KMT2A: variants seen among roughly 807,000 people sequenced by gnomAD.
KMT2A encodes the protein lysine methyltransferase 2A.
In KMT2A, 16 loss-of-function variants were observed where a neutral mutation model predicts 345.3. The ratio of observed to expected loss-of-function variants is 0.05; its 90% CI spans 0.03 to 0.07. The LOEUF (loss-of-function observed/expected upper bound fraction) is 0.07. Ranked by LOEUF, KMT2A falls within the 10% of genes least tolerant of loss-of-function variation. The probability of loss-of-function intolerance (pLI) is 1.00; values close to 1 mark genes in which losing one functional copy is unlikely to be tolerated. For synonymous variants in KMT2A, 1,599 were observed against 1,778.6 expected, an observed-to-expected ratio of 0.90 and a Z score of 2.54; for missense variants, 3,272 against 4,841.6, an observed-to-expected ratio of 0.68 and a Z score of 9.62.
At chr11:118,483,987 G>A (rs918663317) in intron 8 of KMT2A, among the ~76,000 whole-genome samples, 196 bp from the exon 9 acceptor site, 1 of 152,182 alleles carries the variant, frequency 6.6e-6, no homozygotes. Context: ...AGCTGTGACT[G>A]TGCCACTGTA....
chr11:118,499,779 A>G (rs1950470599), intron 23 of KMT2A, 56 bp from the exon 24 acceptor site: 1 of 1,365,280 alleles, frequency 7.3e-7, no homozygotes, highest in Non-Finnish European at 1.0e-6. Context: ...GACTCTCTCA[A>G]AAAAATAAAA....
chr11:118,439,503 G>A (rs531391885), intron 1 of KMT2A, among the ~76,000 whole-genome samples: 1 of 152,234 alleles, frequency 6.6e-6, no homozygotes, highest in South Asian at 2.1e-4. Context: ...CTAATGTCTG[G>A]GCACCAGAAT....
chr11:118,506,148 C>G lies in KMT2A; in HGVS notation c.10256C>G (p.Ser3419Cys). 6.2e-7 allele frequency: 1 copy of G among 1,614,216 alleles called. No individual in the cohort carries two copies. The highest frequency in any genetic ancestry group is 1.3e-5 in the African/African-American group (1 of 75,036). Residue 3419 changes from serine to cysteine, a missense_variant, in exon 27 of 36, where the codon TCT becomes TGT. By Grantham distance (112) the Ser-to-Cys change is moderately radical. This residue lies in a region of KMT2A where 748 missense variants were observed against 922.2 expected (regional missense o/e 0.81). Transcript: ENST00000534358. ...CAACTGGGGACATCACAGACCCCCTCTACTGCTGCAATAACAGCGGCATCT... is the reference window on the plus strand; with the variant it reads ...CAACTGGGGACATCACAGACCCCCTGTACTGCTGCAATAACAGCGGCATCT... ...FPQLGTSQTP[S>C]TAAITAASSI...
chr11:118,470,106 T>A (rs1190463949), intron 2 of KMT2A, among the ~76,000 whole-genome samples: 1 of 152,206 alleles, frequency 6.6e-6, no homozygotes, highest in Non-Finnish European at 1.5e-5. Context: ...ATGTTGTGGA[T>A]CAGGGAAGTT....
At position 118,489,777 on chromosome 11, in the gene KMT2A, T is replaced by G; in HGVS notation, c.4480-15T>G. 1 of 1,611,566 alleles carries G rather than the reference T, an allele frequency of 6.2e-7. No individual in the cohort carries two copies. The highest frequency in any genetic ancestry group is 8.5e-7 in the Non-Finnish European group (1 of 1,177,686). On this transcript the variant is annotated splice_polypyrimidine_tract_variant and intron_variant, in intron 11 of 35. Transcript: ENST00000534358. ...AATATGATGCTTATCTTTTTGCCAT[T>G]ATATTTTCTTACAGCAGCTGCTGGA... is the stretch of plus-strand genomic sequence containing the variant.
chr11:118,519,433 A>G (rs113302539), intron 31 of KMT2A, 185 bp from the exon 32 acceptor site: 9 of 537,572 alleles, frequency 1.7e-5, no homozygotes, highest in African/African-American at 1.5e-4. Context: ...AACATTTTCC[A>G]TATTGATAGA....
Position 118,473,321 on chromosome 11 carries a change from G to C in KMT2A, c.2162G>C (p.Arg721Pro). The stretch of plus-strand genomic sequence containing the variant: ...GAGTCTGTAACCTTGCCTAGTAATC[G>C]AACTTCTGCTGGAACATCTTCTTCA... ...IFESVTLPSN[R>P]TSAGTSSSGV... Residue 721 changes from arginine (R) to proline (P), a missense_variant, in exon 3 of 36, where the codon CGA becomes CCA. By Grantham distance (103) the Arg-to-Pro change is moderately radical. This residue lies in a region of KMT2A where 114 missense variants were observed against 203.2 expected (regional missense o/e 0.56). Transcript: ENST00000534358. This position sits in a 1 kb window ranked among gnomAD's most constrained non-coding sequence, Gnocchi z 5.2. The C allele has an allele frequency of 1.2e-6, 2 of 1,613,796 alleles. No individual in the cohort carries two copies. The highest frequency in any genetic ancestry group is 4.5e-5 in the East Asian group (2 of 44,878).
chr11:118,505,700 A>G lies in KMT2A; in HGVS notation c.9808A>G (p.Ser3270Gly). Residue 3270 changes from serine (S) to glycine (G), a missense_variant, in exon 27 of 36, where the codon AGT (serine) becomes GGT (glycine). Ser to Gly is a moderately conservative substitution (Grantham distance 56). Transcript: ENST00000534358. The surrounding 1 kb of genome is among the most constrained non-coding windows in gnomAD (Gnocchi z 4.6). ...ACCCTCCCAGCTTCCTAATCATCCA[A>G]GTCTGTTAGATTTGGGGTCACTTAA... Reference protein sequence around the residue: ...FTPSQLPNHPSLLDLGSLNTS... With the variant: ...FTPSQLPNHPGLLDLGSLNTS... 2 of 1,614,164 alleles carry G rather than the reference A, an allele frequency of 1.2e-6. No individual in the cohort carries two copies. The highest frequency in any genetic ancestry group is 2.2e-5 in the East Asian group (1 of 44,884).
At chr11:118,506,805 T>C (rs1354980909) in intron 27 of KMT2A, among the ~76,000 whole-genome samples, 159 bp downstream of exon 27, 1 of 152,234 alleles carries the variant, frequency 6.6e-6, no homozygotes, top group African/African-American at 2.4e-5. Flanking sequence ...AGTGGTGATT[T>C]ATGTAACAAA....
At position 118,491,375 on chromosome 11, in the gene KMT2A, C is replaced by T; in HGVS notation, c.4819+57C>T. On this transcript the variant is annotated intron_variant, in intron 14 of 35. Coordinates refer to ENST00000534358, the MANE Select transcript of KMT2A (RefSeq NM_001197104.2). This position sits in a 1 kb window ranked among gnomAD's most constrained non-coding sequence, Gnocchi z 4.2. ...TCTAGGTACTACTACATTTATTAGC[C>T]TCTAGAGCACTTTAAACCTAAAATT... 6.6e-7 allele frequency: 1 copy of T among 1,521,448 alleles called. No individual in the cohort carries two copies. The highest frequency in any genetic ancestry group is 8.9e-7 in the Non-Finnish European group (1 of 1,122,048). The allele number at this position is 1,521,448 out of a possible 1,614,324, so 94.2% of individuals were successfully genotyped here.
intron 31 of KMT2A, among the ~76,000 whole-genome samples, chr11:118,518,553 G>T (rs567076277): frequency 1.3e-5 from 2 of 152,208 alleles, no homozygotes; most frequent in African/African-American, 4.8e-5. Flanking sequence ...AGCTGAGGCA[G>T]GTGGATCACC....
At chr11:118,508,023 G>GT (rs1220590876) in intron 28 of KMT2A, among the ~76,000 whole-genome samples, 26 of 152,158 alleles carry the variant, frequency 1.7e-4, no homozygotes, top group African/African-American at 6.3e-4. Flanking sequence ...TCTTGCCAAA[G>GT]TTTTTTAAAT....
intron 3 of KMT2A, among the ~76,000 whole-genome samples, chr11:118,475,395 G>A (rs1395930957): frequency 6.6e-6 from 1 of 152,182 alleles, no homozygotes; most frequent in Non-Finnish European, 1.5e-5. Flanking sequence ...CAGCAAATCA[G>A]GTTAGGTTAA....
intron 8 of KMT2A, among the ~76,000 whole-genome samples, chr11:118,483,003 C>G (rs1565287791): frequency 6.6e-6 from 1 of 152,028 alleles, no homozygotes; most frequent in Non-Finnish European, 1.5e-5. Context: ...GAAGCCGAAG[C>G]AGGCAGATCA....
chr11:118,449,538 A>G (rs1949488563), intron 1 of KMT2A: 1 of 149,542 alleles, frequency 6.7e-6, no homozygotes, highest in South Asian at 2.1e-4. Flanking sequence ...GTGAGCCATG[A>G]TCATGACACT....
rs1950577704 is a variant in KMT2A at position 118,506,106 on chromosome 11, G to C, written c.10214G>C (p.Ser3405Thr). The C allele has an allele frequency of 6.2e-7, 1 of 1,614,194 alleles. No homozygotes were observed. Among genetic ancestry groups the C allele is most frequent in the Non-Finnish European group, 8.5e-7 (1 of 1,180,046 alleles). The stretch of plus-strand genomic sequence containing the variant: ...GACCAGCCTGTGGCTTTACCGCCAA[G>C]TTCAGGAATGTTTCCACAACTGGGG... The part of the protein sequence containing the change: ...IQDQPVALPP[S>T]SGMFPQLGTS... Residue 3405 changes from serine (S) to threonine (T), a missense_variant, in exon 27 of 36, where the codon AGT becomes ACT. By Grantham distance (58) the Ser-to-Thr change is moderately conservative. Transcript: ENST00000534358.
At position 118,493,800 on chromosome 11, in the gene KMT2A, C is replaced by T. The variant is rs1207156658; in HGVS notation, c.5179-488C>T. Among the ~76,000 whole-genome samples the T allele has an allele frequency of 6.6e-6, 1 of 152,106 alleles. No homozygotes were observed. The highest frequency in any genetic ancestry group is 1.5e-5 in the Non-Finnish European group (1 of 68,028). ...TCTCGGCTCACTGCAACCTCTGCCT[C>T]CCGTAATCAAGTGATTCTCCTGCCT... On this transcript the variant is annotated intron_variant, in intron 16 of 35. Transcript: ENST00000534358. The surrounding 1 kb of genome is among the most constrained non-coding windows in gnomAD (Gnocchi z 5.8).
rs569824221 is a variant in KMT2A, at chr11:118,506,493, C to T, written c.10601C>T (p.Pro3534Leu). ...CAGCGGTCAGCAAGCCCTTCAGTGC[C>T]GGGTCCCACTAAACCCAAACCAAAA... is the stretch of plus-strand genomic sequence containing the variant. ...SGQRSASPSVPGPTKPKPKTK... is the reference protein window; with the variant it reads ...SGQRSASPSVLGPTKPKPKTK... Residue 3534 changes from proline (P) to leucine (L), a missense_variant, in exon 27 of 36, where the codon CCG becomes CTG. Physicochemically the swap from Pro to Leu is moderately conservative, Grantham distance 98 (BLOSUM62 -3). This residue lies in a region of KMT2A where 748 missense variants were observed against 922.2 expected (regional missense o/e 0.81). Transcript: ENST00000534358. 1.2e-5 allele frequency: 19 copies of T among 1,614,182 alleles called. No individual in the cohort carries two copies. Among genetic ancestry groups the T allele is most frequent in the East Asian group, 8.9e-5 (4 of 44,886 alleles).
rs1482622738 is a variant in KMT2A, at chr11:118,436,989, C to G, written c.432+45C>G. On this transcript the variant is annotated intron_variant, in intron 1 of 35. Coordinates refer to ENST00000534358, the MANE Select transcript of KMT2A (RefSeq NM_001197104.2). This position sits in a 1 kb window ranked among gnomAD's most constrained non-coding sequence, Gnocchi z 6.9. ...CCAGGTCCGGGGTCTCGACCCTCTG[C>G]GGAGCCCCCTCCCCTCCCCCATCCG... The G allele has an allele frequency of 2.2e-6, 3 of 1,377,344 alleles. No homozygotes were observed. In the African/African-American group the frequency reaches 4.5e-5, roughly 21 times the overall value. The allele number at this position is 1,377,344 out of a possible 1,614,324, so 85.3% of individuals were successfully genotyped here.
Sources: gnomAD v4.1 joint callset for allele counts (sites outside exome capture counted in the v4.1 genomes callset) on GRCh38, gnomAD v4.1.1 for gene constraint, gnomAD v4.1.1 regional missense constraint, Gnocchi (gnomAD v3.1) non-coding constraint, MANE v1.5 for transcripts, NCBI Gene and HGNC (gene_info 2026-07-23, HGNC 2026-07-21) for gene names.